PEAK3: variants seen among roughly 807,000 people sequenced by gnomAD.
PEAK3 encodes PEAK family member 3.
A neutral mutation model predicts 13.3 loss-of-function variants in PEAK3; 15 were observed. The observed-to-expected ratio is 1.13, with a 90% confidence interval of 0.75 to 1.73. PEAK3 has a LOEUF of 1.73. Among genes scored for constraint, PEAK3 ranks in the 40% most tolerant of loss-of-function variants. The pLI is 0.00. For synonymous variants in PEAK3, 347 were observed against 341.9 expected (o/e 1.01, Z -0.17); for missense variants, 739 against 690.2 (o/e 1.07, Z -0.79).
chr19:2,281,729 G>A (rs1387083089), intron 1 of PEAK3, among the ~76,000 whole-genome samples: 1 of 151,772 alleles, frequency 6.6e-6, no homozygotes, highest in African/African-American at 2.4e-5. Context: ...TTCTGAGTGG[G>A]TTTCCTGCCC....
Position 2,275,956 on chromosome 19 carries a change from G to C in PEAK3, c.1146C>G (p.Thr382=), listed in dbSNP as rs1031210674. 1.4e-6 allele frequency: 2 copies of C among 1,407,886 alleles called. No homozygotes were observed. The highest frequency in any genetic ancestry group is 3.0e-5 in the African/African-American group (2 of 65,626). The allele number at this position is 1,407,886 out of a possible 1,614,324, so 87.2% of individuals were successfully genotyped here. ...TCCGGGACGCCGAGGGCCGCAAGCG[G>C]GTCAGCTGTGCTGCCAGGAGCTCCA... ...AGLELLAAQL[T]RLRPSASRTR... is the part of the protein sequence containing the mutation. The change falls in exon 4 of 4, where the codon ACC becomes ACG. Residue 382 remains threonine, a synonymous_variant. Transcript: ENST00000342063.
intron 1 of PEAK3, 134 bp from the exon 2 acceptor site, chr19:2,281,069 G>A: frequency 1.7e-6 from 1 of 577,320 alleles, no homozygotes; most frequent in Non-Finnish European, 3.0e-6. Context: ...GTGAGAACAG[G>A]CGCACCCACA....
At chr19:2,277,652 C>T (rs577732590) in intron 3 of PEAK3, among the ~76,000 whole-genome samples, 11 of 151,440 alleles carry the variant, frequency 7.3e-5, no homozygotes, top group African/African-American at 1.9e-4. Flanking sequence ...CTGCAACCTC[C>T]GCCTCCCAGG....
At chr19:2,277,246 G>A (rs78307403) in intron 3 of PEAK3, among the ~76,000 whole-genome samples, 1,848 of 152,244 alleles carry the variant, frequency 0.012, 48 homozygotes, top group African/African-American at 0.043. Flanking sequence ...GGTCTGGTGG[G>A]AGGCGACTTG....
In PEAK3 at chr19:2,282,121, G is replaced by C. The variant is rs988779383; in HGVS notation, c.-39C>G. 12 of 152,700 alleles carry C rather than the reference G, an allele frequency of 7.9e-5. No homozygotes were observed. Among genetic ancestry groups the C allele is most frequent in the African/African-American group, 2.9e-4 (12 of 41,582 alleles). The allele number at this position is 152,700 out of a possible 1,614,324, so 9.5% of individuals were successfully genotyped here. A position where few individuals can be genotyped will look rare whatever the true frequency, so the allele number is the denominator to read the frequency against. On this transcript the variant is annotated 5_prime_UTR_variant, in exon 1 of 4. Coordinates refer to ENST00000342063, the MANE Select transcript of PEAK3 (RefSeq NM_198532.3). ...TGGCGTGCCCTCTGGGGGAGGAGGG[G>C]TCCGTGGGGACAAACTCCCAATGGC...
At chr19:2,279,519 G>C (rs940290894) in intron 2 of PEAK3, among the ~76,000 whole-genome samples, 2 of 151,958 alleles carry the variant, frequency 1.3e-5, no homozygotes, top group Non-Finnish European at 2.9e-5. Flanking sequence ...AGCCGGGCTT[G>C]GTGGTGGGCG....
Position 2,275,149 on chromosome 19 carries a change from G to A in PEAK3, c.*531C>T, listed in dbSNP as rs140236279. 1.3e-5 allele frequency: 2 copies of A among 152,308 alleles called. No homozygotes were observed. The highest frequency in any genetic ancestry group is 2.4e-5 in the African/African-American group (1 of 41,532). 9.4% of individuals were successfully genotyped at this position (152,308 alleles called of 1,614,324 possible). A position where few individuals can be genotyped will look rare whatever the true frequency, so the allele number is the denominator to read the frequency against. On this transcript the variant is annotated 3_prime_UTR_variant, in exon 4 of 4. Transcript: ENST00000342063. The stretch of plus-strand genomic sequence containing the variant: ...AGTCCAGACCCCGCTGAGATGAGCT[G>A]GGTGTCTAAGGTCCCAGGGAGCCTT...
chr19:2,281,636 C>T (rs1204102150), intron 1 of PEAK3, among the ~76,000 whole-genome samples: 1 of 128,930 alleles, frequency 7.8e-6, no homozygotes, highest in Non-Finnish European at 1.6e-5. Context: ...TGTGTGATCC[C>T]GAGTGGGTTT....
chr19:2,280,956 G>C, intron 1 of PEAK3, 21 bp from the exon 2 acceptor site: 1 of 1,492,736 alleles, frequency 6.7e-7, no homozygotes, highest in Admixed American at 2.0e-5. Flanking sequence ...GTCAAACGGG[G>C]CGTGTGTGGG....
chr19:2,279,943 G>A (rs2025424829), intron 2 of PEAK3, among the ~76,000 whole-genome samples: 1 of 151,110 alleles, frequency 6.6e-6, no homozygotes, highest in African/African-American at 2.4e-5. Context: ...TAGTAGAGAT[G>A]GGGTTTCACC....
At position 2,275,867 on chromosome 19, in the gene PEAK3, G is replaced by T; in HGVS notation, c.1235C>A (p.Pro412Gln). 6.9e-7 allele frequency: 1 copy of T among 1,458,084 alleles called. No homozygotes were observed. Among genetic ancestry groups the T allele is most frequent in the Non-Finnish European group, 9.0e-7 (1 of 1,112,124 alleles). The allele number at this position is 1,458,084 out of a possible 1,614,324, so 90.3% of individuals were successfully genotyped here. A position where few individuals can be genotyped will look rare whatever the true frequency, so the allele number is the denominator to read the frequency against. Reference sequence around the variant, plus strand: ...GAGCGCTCGGAGCCAGGGACCAAGCGGTGCTCCGCGGCCGCGCAGCTCAGG... The same window carrying T: ...GAGCGCTCGGAGCCAGGGACCAAGCTGTGCTCCGCGGCCGCGCAGCTCAGG... Reference protein sequence around the residue: ...PGPELRGRGAPLGPWLRALGP... With the variant: ...PGPELRGRGAQLGPWLRALGP... The change falls in exon 4 of 4, where the codon CCG (proline) becomes CAG (glutamine). Residue 412 changes from proline to glutamine, a missense_variant. Physicochemically the swap from Pro to Gln is moderately conservative, Grantham distance 76 (BLOSUM62 -1). Coordinates refer to ENST00000342063, the MANE Select transcript of PEAK3 (RefSeq NM_198532.3).
At chr19:2,276,604 A>T in intron 3 of PEAK3, 115 bp from the exon 4 acceptor site, 1 of 849,728 alleles carries the variant, frequency 1.2e-6, no homozygotes, top group Non-Finnish European at 1.7e-6. Flanking sequence ...TGCCCCCACT[A>T]CGGCTAGGGG....
At chr19:2,279,443 T>G (rs2025421769) in intron 2 of PEAK3, among the ~76,000 whole-genome samples, 1 of 151,980 alleles carries the variant, frequency 6.6e-6, no homozygotes, top group Non-Finnish European at 1.5e-5. Context: ...GATCACGAGG[T>G]CAGGAGATCG....
At chr19:2,281,299 G>T (rs2025436947) in intron 1 of PEAK3, among the ~76,000 whole-genome samples, 2 of 124,558 alleles carry the variant, frequency 1.6e-5, no homozygotes, top group African/African-American at 6.4e-5. Context: ...TCCTGAGTGG[G>T]TTTGCTGCCC....
chr19:2,281,576 C>G lies in PEAK3; in HGVS notation c.-5+511G>C, dbSNP rs371472485. 2.1e-3 allele frequency among the ~76,000 whole-genome samples: 205 copies of G among 96,784 alleles called. 1 individual carries two copies. The highest frequency in any genetic ancestry group is 6.2e-3 in the East Asian group (12 of 1,940). The allele number at this position is 96,784 out of a possible 152,430, so 63.5% of individuals were successfully genotyped here. ...GAGTGGGTTTGCTGCCCTCTCTGGG[C>G]CCCTGATGTGTGATCCCGAGTGGGT... On this transcript the variant is annotated intron_variant, in intron 1 of 3. Coordinates refer to ENST00000342063, the MANE Select transcript of PEAK3 (RefSeq NM_198532.3).
chr19:2,275,633 T>C lies in PEAK3; in HGVS notation c.*47A>G. On this transcript the variant is annotated 3_prime_UTR_variant, in exon 4 of 4. Transcript: ENST00000342063. ...GAGACGCTGACCTCAGCCCCAGCCC[T>C]GCCTCCTGGGCAGGCCTGGACCAGG... is the stretch of plus-strand genomic sequence containing the variant. 1.5e-6 allele frequency: 2 copies of C among 1,366,014 alleles called. No homozygotes were observed. Among genetic ancestry groups the C allele is most frequent in the Non-Finnish European group, 1.9e-6 (2 of 1,054,034 alleles). 84.6% of individuals were successfully genotyped at this position (1,366,014 alleles called of 1,614,324 possible).
intron 3 of PEAK3, 23 bp downstream of exon 3, chr19:2,278,561 G>T: frequency 6.8e-7 from 1 of 1,461,696 alleles, no homozygotes; most frequent in East Asian, 2.4e-5. Context: ...ACACCTCAGA[G>T]AGGGTGGGGC....
At chr19:2,281,863 A>C (rs1444294366) in intron 1 of PEAK3, among the ~76,000 whole-genome samples, 2 of 152,134 alleles carry the variant, frequency 1.3e-5, no homozygotes, top group African/African-American at 4.8e-5. Context: ...CCCCCTCTGC[A>C]CGTTTGGGAT....
intron 3 of PEAK3, among the ~76,000 whole-genome samples, chr19:2,277,044 C>T (rs994191064): frequency 2.0e-5 from 3 of 152,090 alleles, no homozygotes; most frequent in African/African-American, 7.2e-5. Flanking sequence ...AACACAAAAG[C>T]AGATCCCCGG....
Sources: allele counts gnomAD v4.1 joint callset (sites outside exome capture counted in the v4.1 genomes callset), GRCh38; gene constraint gnomAD v4.1.1; transcripts MANE v1.5; gene names NCBI Gene and HGNC (gene_info 2026-07-23, HGNC 2026-07-21).